Variants in PARD3B observed in about 807,000 individuals in gnomAD.
PARD3B encodes par-3 family cell polarity regulator beta, also known as partitioning defective 3 homolog B.
A neutral mutation model predicts 130.2 loss-of-function variants in PARD3B; 103 were observed. The ratio of observed to expected loss-of-function variants is 0.79; its 90% CI spans 0.67 to 0.93. The LOEUF is 0.93. Among genes scored for constraint, PARD3B ranks in the 40% least tolerant of loss-of-function variants. The pLI is 0.00. For synonymous variants in PARD3B, 583 were observed against 553.2 expected, an observed-to-expected ratio of 1.05 and a Z score of -0.76; for missense variants, 1,609 against 1,499.2, an observed-to-expected ratio of 1.07 and a Z score of -1.21.
chr2:205,213,838 A>C (rs992400253), intron 15 of PARD3B, among the ~76,000 whole-genome samples: 3 of 152,078 alleles, frequency 2.0e-5, no homozygotes, highest in Non-Finnish European at 4.4e-5. Flanking sequence ...AATTTCATTA[A>C]ATAAAGAAGA....
At chr2:205,196,439 T>G (rs960734868) in intron 15 of PARD3B, among the ~76,000 whole-genome samples, 1 of 152,102 alleles carries the variant, frequency 6.6e-6, no homozygotes, top group Non-Finnish European at 1.5e-5. Context: ...TTATAAAATA[T>G]TGTTACATGG....
intron 4 of PARD3B, among the ~76,000 whole-genome samples, chr2:205,092,422 A>ATTTAC (rs1702162109): frequency 6.6e-6 from 1 of 152,176 alleles, no homozygotes; most frequent in South Asian, 2.1e-4. Flanking sequence ...CATTTACATC[A>ATTTAC]AGGTAGCAGA....
At chr2:205,013,088 C>G (rs1371104163) in intron 3 of PARD3B, among the ~76,000 whole-genome samples, 3 of 152,342 alleles carry the variant, frequency 2.0e-5, no homozygotes, top group South Asian at 2.1e-4. Flanking sequence ...CCTACCCATG[C>G]AAGCTAGAAT....
chr2:205,460,372 T>C lies in PARD3B; in HGVS notation c.3044+19700T>C, dbSNP rs1198035032. On this transcript the variant is annotated intron_variant, in intron 20 of 22. Coordinates refer to ENST00000406610, the MANE Select transcript of PARD3B (RefSeq NM_001302769.2). This position sits in a 1 kb window ranked among gnomAD's most constrained non-coding sequence, Gnocchi z 4.9. ...ATCTAGAAACACAATATGAGGATTA[T>C]CAAGACTAAGGATGTTGATAGTGAT... is the stretch of plus-strand genomic sequence containing the variant. Among the ~76,000 whole-genome samples, 4 of 150,730 alleles carry C rather than the reference T, an allele frequency of 2.7e-5. No individual in the cohort carries two copies. The highest frequency in any genetic ancestry group is 4.4e-5 in the Non-Finnish European group (3 of 67,850).
chr2:205,529,031 A>C (rs1981733), intron 21 of PARD3B, among the ~76,000 whole-genome samples: 62,095 of 152,000 alleles, frequency 0.41, 13,250 homozygotes, highest in Admixed American at 0.52. Flanking sequence ...TGAGCATTAA[A>C]AAAAAAAATT....
At chr2:204,946,757 C>A (rs149010056) in intron 2 of PARD3B, among the ~76,000 whole-genome samples, 2 of 152,094 alleles carry the variant, frequency 1.3e-5, no homozygotes, top group Non-Finnish European at 2.9e-5. Flanking sequence ...AATTAGAGAC[C>A]TCGAAGAGCT....
At chr2:204,672,751 G>T (rs1186382373) in intron 1 of PARD3B, among the ~76,000 whole-genome samples, 6 of 152,126 alleles carry the variant, frequency 3.9e-5, no homozygotes, top group Non-Finnish European at 8.8e-5. Context: ...CTCACTTCCT[G>T]CTGATTTTAT....
At chr2:204,953,236 A>G in intron 2 of PARD3B, among the ~76,000 whole-genome samples, 1 of 152,146 alleles carries the variant, frequency 6.6e-6, no homozygotes, top group Non-Finnish European at 1.5e-5. Context: ...GAATGCTACA[A>G]CATTTACAAG....
In PARD3B at chr2:205,087,311, C is replaced by T. The variant is rs562668007; in HGVS notation, c.505-17115C>T. On this transcript the variant is annotated intron_variant, in intron 4 of 22. Coordinates refer to ENST00000406610, the MANE Select transcript of PARD3B (RefSeq NM_001302769.2). ...TTGCTACTCCATTGATTAAAACTGTCATCCTTCTTTGTCCATCATATAATG... is the reference window on the plus strand; with the variant it reads ...TTGCTACTCCATTGATTAAAACTGTTATCCTTCTTTGTCCATCATATAATG... Among the ~76,000 whole-genome samples, 3 of 152,300 alleles carry T rather than the reference C, an allele frequency of 2.0e-5. 1 individual carries two copies. Among genetic ancestry groups the T allele is most frequent in the African/African-American group, 7.2e-5 (3 of 41,572 alleles).
Position 205,568,446 on chromosome 2 carries a change from A to G in PARD3B, c.3260+15043A>G, listed in dbSNP as rs984901405. Among the ~76,000 whole-genome samples, 5 of 152,194 alleles carry G rather than the reference A, an allele frequency of 3.3e-5. No homozygotes were observed. Among genetic ancestry groups the G allele is most frequent in the Admixed American group, 6.5e-5 (1 of 15,280 alleles). ...ACATCAAAATGATGTAAGGTCTTTG[A>G]CAAGTTCATTTTCTGTCAAGCCCAT... is the stretch of plus-strand genomic sequence containing the variant. On this transcript the variant is annotated intron_variant, in intron 22 of 22. Coordinates refer to ENST00000406610, the MANE Select transcript of PARD3B (RefSeq NM_001302769.2). This position sits in a 1 kb window ranked among gnomAD's most constrained non-coding sequence, Gnocchi z 5.3.
intron 18 of PARD3B, among the ~76,000 whole-genome samples, chr2:205,320,242 A>C (rs2042706105): frequency 2.7e-5 from 4 of 150,140 alleles, no homozygotes; most frequent in East Asian, 2.0e-4. Context: ...GAAGGAAGGA[A>C]TGAAGGAAGG....
chr2:205,232,154 A>C (rs975757160), intron 15 of PARD3B, among the ~76,000 whole-genome samples: 1 of 152,218 alleles, frequency 6.6e-6, no homozygotes, highest in Admixed American at 6.5e-5. Flanking sequence ...GACATTTTAA[A>C]AAATTACAGG....
chr2:204,869,593 A>G (rs1049202158), intron 2 of PARD3B, among the ~76,000 whole-genome samples: 25 of 152,184 alleles, frequency 1.6e-4, no homozygotes, highest in Admixed American at 3.9e-4. Context: ...AAATATTTCA[A>G]TGACTTCTTT....
At chr2:205,272,603 G>A (rs1010893618) in intron 16 of PARD3B, among the ~76,000 whole-genome samples, 3 of 152,150 alleles carry the variant, frequency 2.0e-5, no homozygotes, top group Non-Finnish European at 2.9e-5. Context: ...GGTTGGTACA[G>A]TTGTTCAAAT....
At chr2:205,608,818 T>A (rs2055118447) in intron 22 of PARD3B, among the ~76,000 whole-genome samples, 1 of 152,224 alleles carries the variant, frequency 6.6e-6, no homozygotes, top group Non-Finnish European at 1.5e-5. Flanking sequence ...GAATTAAATA[T>A]GAGCAACCAA....
At chr2:204,819,466 C>T (rs954350567) in intron 2 of PARD3B, among the ~76,000 whole-genome samples, 1 of 152,176 alleles carries the variant, frequency 6.6e-6, no homozygotes, top group Non-Finnish European at 1.5e-5. Flanking sequence ...CTCCTGTCTT[C>T]TCTCTCCTTA....
chr2:205,035,079 T>A, intron 3 of PARD3B, among the ~76,000 whole-genome samples: 1 of 151,984 alleles, frequency 6.6e-6, no homozygotes, highest in East Asian at 1.9e-4. Context: ...TCCAGGCTGG[T>A]CTCGAACTCC....
rs1026433327 is a variant in PARD3B at position 205,460,220 on chromosome 2, C to T, written c.3044+19548C>T. ...GTAGTAATTTTCAGATCATTTGAGTCTAAATGCAGCTTTGAGGATATGCAG... is the reference window on the plus strand; with the variant it reads ...GTAGTAATTTTCAGATCATTTGAGTTTAAATGCAGCTTTGAGGATATGCAG... On this transcript the variant is annotated intron_variant, in intron 20 of 22. Transcript: ENST00000406610. This position sits in a 1 kb window ranked among gnomAD's most constrained non-coding sequence, Gnocchi z 4.9. Among the ~76,000 whole-genome samples, 10 of 152,122 alleles carry T rather than the reference C, an allele frequency of 6.6e-5. No individual in the cohort carries two copies. The highest frequency in any genetic ancestry group is 2.4e-4 in the African/African-American group (10 of 41,428).
intron 1 of PARD3B, among the ~76,000 whole-genome samples, chr2:204,561,072 C>G (rs2031279279): frequency 6.6e-6 from 1 of 151,994 alleles, no homozygotes; most frequent in African/African-American, 2.4e-5. Context: ...CTTTGCTTTA[C>G]AGAACCTGAT....
Sources: allele counts gnomAD v4.1 joint callset (sites outside exome capture counted in the v4.1 genomes callset), GRCh38; gene constraint gnomAD v4.1.1; non-coding constraint Gnocchi (gnomAD v3.1); transcripts MANE v1.5; gene names NCBI Gene and HGNC (gene_info 2026-07-23, HGNC 2026-07-21).